FGGY: variants seen among roughly 807,000 people sequenced by gnomAD.
FGGY encodes the protein FGGY carbohydrate kinase domain-containing protein.
Under a neutral mutation model 71.3 loss-of-function variants are expected in FGGY, and 72 were observed. That is an observed-to-expected ratio of 1.01 (90% CI 0.84 to 1.23). The LOEUF (loss-of-function observed/expected upper bound fraction) is 1.23. Ranked by LOEUF, FGGY falls within the 50% of genes most tolerant of loss-of-function variation. The pLI is 0.00. For missense variants in FGGY, 668 were observed against 682.3 expected (o/e 0.98, Z 0.23); for synonymous variants, 251 against 250.3 (o/e 1.00, Z -0.02).
intron 5 of FGGY, among the ~76,000 whole-genome samples, chr1:59,420,478 C>T (rs2065220464): frequency 6.6e-6 from 1 of 152,130 alleles, no homozygotes; most frequent in Admixed American, 6.5e-5. Flanking sequence ...CTGTATTTGT[C>T]CTTGGATCTC....
intron 5 of FGGY, among the ~76,000 whole-genome samples, chr1:59,443,025 G>T (rs1412912357): frequency 6.6e-6 from 1 of 152,100 alleles, no homozygotes; most frequent in Non-Finnish European, 1.5e-5. Flanking sequence ...TGAGGGAAAT[G>T]ATAATGCTTT....
chr1:59,498,257 C>T (rs952306935), intron 6 of FGGY, among the ~76,000 whole-genome samples: 1 of 152,064 alleles, frequency 6.6e-6, no homozygotes, highest in African/African-American at 2.4e-5. Flanking sequence ...AGTAGCTTGC[C>T]CAAAGTCATT....
chr1:59,388,480 G>A (rs968951960), intron 5 of FGGY, among the ~76,000 whole-genome samples: 1 of 152,130 alleles, frequency 6.6e-6, no homozygotes, highest in Admixed American at 6.5e-5. Context: ...TCGGGTGGAA[G>A]TCTCATTCTC....
chr1:59,531,209 T>C (rs1395131602), intron 7 of FGGY, among the ~76,000 whole-genome samples: 1 of 152,212 alleles, frequency 6.6e-6, no homozygotes, highest in East Asian at 1.9e-4. Context: ...CTTCTACAAG[T>C]CACCTCTTTA....
chr1:59,635,077 A>G (rs1234865528), intron 10 of FGGY, among the ~76,000 whole-genome samples: 1 of 152,216 alleles, frequency 6.6e-6, no homozygotes, highest in African/African-American at 2.4e-5. Flanking sequence ...GCAGGCTGCC[A>G]TTTGAGAAGG....
intron 4 of FGGY, among the ~76,000 whole-genome samples, chr1:59,366,276 T>C (rs2056572034): frequency 6.6e-6 from 1 of 152,190 alleles, no homozygotes; most frequent in Admixed American, 6.5e-5. Flanking sequence ...ACAAATAAAT[T>C]CTATGATGTT....
At chr1:59,552,577 C>T (rs887125108) in intron 7 of FGGY, among the ~76,000 whole-genome samples, 1 of 152,164 alleles carries the variant, frequency 6.6e-6, no homozygotes, top group African/African-American at 2.4e-5. Context: ...CAGCCAGTGC[C>T]TTCAGTATCT....
intron 14 of FGGY, among the ~76,000 whole-genome samples, chr1:59,725,311 C>T (rs1343632333): frequency 6.6e-6 from 1 of 152,124 alleles, no homozygotes; most frequent in Admixed American, 6.6e-5. Context: ...TGGATTCTCT[C>T]CTTGGTTCCA....
chr1:59,702,841 C>A (rs1053149894), intron 14 of FGGY, among the ~76,000 whole-genome samples: 1 of 152,150 alleles, frequency 6.6e-6, no homozygotes, highest in Admixed American at 6.6e-5. Context: ...TGGGCAGCTT[C>A]CTCATGGTCC....
At chr1:59,666,566 G>A (rs2097327818) in intron 12 of FGGY, among the ~76,000 whole-genome samples, 1 of 152,178 alleles carries the variant, frequency 6.6e-6, no homozygotes. Flanking sequence ...AATGAACTTA[G>A]CAAGACAGAC....
Position 59,674,202 on chromosome 1 carries a change from G to A in FGGY, c.1512+69G>A, listed in dbSNP as rs553359493. 1.7e-4 allele frequency: 205 copies of A among 1,200,288 alleles called. 2 individuals are homozygous for A. The South Asian group carries it at 2.3e-3, about 14-fold the overall frequency. 74.4% of individuals were successfully genotyped at this position (1,200,288 alleles called of 1,614,324 possible). A position where few individuals can be genotyped will look rare whatever the true frequency, so the allele number is the denominator to read the frequency against. On this transcript the variant is annotated intron_variant, in intron 14 of 15. Transcript: ENST00000303721. ...GAGGCCATCCTTCCTCTTGACAGCAGCTCGCATTTTACAAAATACACACAG... is the reference window on the plus strand; with the variant it reads ...GAGGCCATCCTTCCTCTTGACAGCAACTCGCATTTTACAAAATACACACAG...
chr1:59,387,305 TTAA>T (rs2060186582), intron 5 of FGGY, among the ~76,000 whole-genome samples: 1 of 152,142 alleles, frequency 6.6e-6, no homozygotes, highest in African/African-American at 2.4e-5. Flanking sequence ...ATTTTTCATA[TTAA>T]TGTATAAAAA....
intron 3 of FGGY, 46 bp downstream of exon 3, chr1:59,340,115 G>T: frequency 7.2e-7 from 1 of 1,396,044 alleles, no homozygotes; most frequent in Non-Finnish European, 1.0e-6. Context: ...ATACTTGGCT[G>T]ATTAATCCAA....
chr1:59,333,796 CCTGT>C (rs1404699656), intron 2 of FGGY, among the ~76,000 whole-genome samples: 4 of 152,174 alleles, frequency 2.6e-5, no homozygotes, highest in South Asian at 4.1e-4. Context: ...GGCCATACTG[CCTGT>C]CAGGAAATGG....
intron 6 of FGGY, among the ~76,000 whole-genome samples, chr1:59,510,040 C>CTTTTTTTT (rs10608143): frequency 1.4e-5 from 2 of 139,930 alleles, no homozygotes; most frequent in African/African-American, 5.1e-5. Flanking sequence ...TTTCTTTTTT[C>CTTTTTTTT]TTTTTTTTTT....
chr1:59,495,442 T>G (rs2094001101), intron 6 of FGGY, among the ~76,000 whole-genome samples: 1 of 152,134 alleles, frequency 6.6e-6, no homozygotes, highest in Non-Finnish European at 1.5e-5. Flanking sequence ...CTAGGTTTTC[T>G]TCTAGGGTTT....
intron 6 of FGGY, among the ~76,000 whole-genome samples, chr1:59,468,588 C>T (rs12072955): frequency 0.029 from 4,370 of 152,140 alleles, 200 homozygotes; most frequent in African/African-American, 0.1. Flanking sequence ...AGTAAAGAAT[C>T]TTGGCTGGGC....
chr1:59,340,654 C>T (rs1188962469), intron 3 of FGGY, among the ~76,000 whole-genome samples: 2 of 152,164 alleles, frequency 1.3e-5, no homozygotes, highest in Non-Finnish European at 2.9e-5. Flanking sequence ...GGTCCACCAT[C>T]AGAGATTTTT....
intron 4 of FGGY, among the ~76,000 whole-genome samples, chr1:59,377,241 G>T (rs969087470): frequency 6.6e-6 from 1 of 152,156 alleles, no homozygotes; most frequent in African/African-American, 2.4e-5. Flanking sequence ...AAAGACTTTT[G>T]TATTAGTCTG....
Sources: gnomAD v4.1 joint callset for allele counts (sites outside exome capture counted in the v4.1 genomes callset) on GRCh38, gnomAD v4.1.1 for gene constraint, MANE v1.5 for transcripts, NCBI Gene and HGNC (gene_info 2026-07-23, HGNC 2026-07-21) for gene names.